ADAM12: variants seen among roughly 807,000 people sequenced by gnomAD.
The protein encoded by ADAM12 is disintegrin and metalloproteinase domain-containing protein 12.
A neutral mutation model predicts 106.4 loss-of-function variants in ADAM12; 70 were observed. The ratio of observed to expected loss-of-function variants is 0.66; its 90% confidence interval spans 0.54 to 0.80. The LOEUF (loss-of-function observed/expected upper bound fraction) is 0.80, where lower values mean the gene tolerates loss of function less well. Ranked by LOEUF, ADAM12 falls within the 30% of genes least tolerant of loss-of-function variation. The probability of loss-of-function intolerance (pLI) is 0.00; values close to 1 mark genes in which losing one functional copy is unlikely to be tolerated. For synonymous variants in ADAM12, 420 were observed against 433.5 expected (o/e 0.97, Z 0.39); for missense variants, 1,010 against 1,171.9 (o/e 0.86, Z 2.02).
Position 126,235,781 on chromosome 10 carries a change from C to T in ADAM12, c.260+43134G>A, listed in dbSNP as rs144326525. Among the ~76,000 whole-genome samples, 22 of 152,280 alleles carry T rather than the reference C, an allele frequency of 1.4e-4. No individual in the cohort carries two copies. In the East Asian group the frequency reaches 3.5e-3, roughly 24 times the overall value. On this transcript the variant is annotated intron_variant, in intron 3 of 22. Coordinates refer to ENST00000448723, the MANE Select transcript of ADAM12 (RefSeq NM_001288973.2). ...ATTGGTTTCCAAGAAAAATAATGGT[C>T]GTGTTCGAGGAGAGTGGCAGTGTTA...
intron 9 of ADAM12, among the ~76,000 whole-genome samples, chr10:126,099,984 T>G (rs1955630169): frequency 6.6e-6 from 1 of 152,238 alleles, no homozygotes; most frequent in African/African-American, 2.4e-5. Flanking sequence ...GTTCCTTTTT[T>G]TTTTAAGTAT....
chr10:126,362,927 G>A (rs1487927255), intron 1 of ADAM12, among the ~76,000 whole-genome samples: 3 of 152,116 alleles, frequency 2.0e-5, no homozygotes, highest in African/African-American at 7.2e-5. Context: ...ATTCTTGAAG[G>A]AAATAAACTG....
At chr10:126,333,898 A>G (rs1460354543) in intron 1 of ADAM12, among the ~76,000 whole-genome samples, 1 of 152,180 alleles carries the variant, frequency 6.6e-6, no homozygotes, top group Non-Finnish European at 1.5e-5. Flanking sequence ...AATGTGGTGC[A>G]ACCTTTTTGA....
At chr10:126,304,724 C>T (rs936951127) in intron 2 of ADAM12, among the ~76,000 whole-genome samples, 2 of 151,486 alleles carry the variant, frequency 1.3e-5, no homozygotes, top group African/African-American at 4.9e-5. Flanking sequence ...GACTTGTATC[C>T]AGAATATATA....
Position 126,231,907 on chromosome 10 carries a change from A to G in ADAM12, c.260+47008T>C, listed in dbSNP as rs1590654892. On this transcript the variant is annotated intron_variant, in intron 3 of 22. Transcript: ENST00000448723. ...TCTAGCCTCAGTGTAGATTCTTTTG[A>G]TCCCCAACTGTTCTTTCTCAGCCTG... is the stretch of plus-strand genomic sequence containing the variant. 2.7e-5 allele frequency among the ~76,000 whole-genome samples: 4 copies of G among 149,746 alleles called. 1 individual carries two copies.
intron 3 of ADAM12, among the ~76,000 whole-genome samples, chr10:126,277,689 T>C (rs1257183378): frequency 2.6e-5 from 4 of 152,174 alleles, no homozygotes; most frequent in African/African-American, 9.7e-5. Flanking sequence ...TGTGTCTGAA[T>C]CTCTATTTTA....
chr10:126,067,367 A>G (rs1287623352), intron 12 of ADAM12, among the ~76,000 whole-genome samples: 1 of 152,232 alleles, frequency 6.6e-6, no homozygotes, highest in Non-Finnish European at 1.5e-5. Context: ...TGACAATTCC[A>G]TCACTCGGAA....
chr10:126,237,477 T>C (rs1025144170), intron 3 of ADAM12, among the ~76,000 whole-genome samples: 1 of 152,224 alleles, frequency 6.6e-6, no homozygotes. Flanking sequence ...CACTGAATTA[T>C]TTTGAAGCAA....
At chr10:126,220,833 C>T (rs1271588715) in intron 3 of ADAM12, among the ~76,000 whole-genome samples, 2 of 152,198 alleles carry the variant, frequency 1.3e-5, no homozygotes, top group Non-Finnish European at 2.9e-5. Flanking sequence ...CATCTGTGTC[C>T]CTCTTAGCAA....
chr10:126,343,788 A>G (rs919165953), intron 1 of ADAM12, among the ~76,000 whole-genome samples: 2 of 152,198 alleles, frequency 1.3e-5, no homozygotes, highest in African/African-American at 4.8e-5. Context: ...AGTGATGAGG[A>G]GCATTTTTTC....
At chr10:126,356,908 A>T (rs1287936377) in intron 1 of ADAM12, among the ~76,000 whole-genome samples, 3 of 152,232 alleles carry the variant, frequency 2.0e-5, no homozygotes, top group Non-Finnish European at 4.4e-5. Flanking sequence ...CAGATAATTT[A>T]AAATTATCCA....
chr10:126,298,110 A>G (rs1960461780), intron 2 of ADAM12, among the ~76,000 whole-genome samples: 1 of 152,170 alleles, frequency 6.6e-6, no homozygotes, highest in Non-Finnish European at 1.5e-5. Context: ...CCAACCAACC[A>G]TATGACATCA....
chr10:126,261,379 G>GA (rs566444940), intron 3 of ADAM12, among the ~76,000 whole-genome samples: 87 of 152,238 alleles, frequency 5.7e-4, no homozygotes, highest in African/African-American at 2.1e-3. Flanking sequence ...ACTATACTTA[G>GA]AAAAAAGCAA....
intron 3 of ADAM12, among the ~76,000 whole-genome samples, chr10:126,215,864 T>C (rs1051085240): frequency 6.6e-6 from 1 of 152,216 alleles, no homozygotes; most frequent in African/African-American, 2.4e-5. Context: ...GTTCATGGTA[T>C]TCGCAAATGG....
Position 126,199,306 on chromosome 10 carries a change from C to T in ADAM12, c.261-44001G>A, listed in dbSNP as rs369500827. Among the ~76,000 whole-genome samples, 13 of 152,292 alleles carry T rather than the reference C, an allele frequency of 8.5e-5. 1 individual carries two copies. Among genetic ancestry groups the T allele is most frequent in the African/African-American group, 1.9e-4 (8 of 41,564 alleles). On this transcript the variant is annotated intron_variant, in intron 3 of 22. Transcript: ENST00000448723. ...GAAAACTTATCCACCTAATCACCAT[C>T]GAGATCAGCGGGCCTGACCATCCCG...
In ADAM12 at chr10:126,327,915, G is replaced by A. The variant is rs184577667; in HGVS notation, c.186+2497C>T. ...GGAAATCTTGGCCCCTGTTGCTCCCGCATCACTCCAAGTCTGTCTTATTTT... is the reference window on the plus strand; with the variant it reads ...GGAAATCTTGGCCCCTGTTGCTCCCACATCACTCCAAGTCTGTCTTATTTT... On this transcript the variant is annotated intron_variant, in intron 2 of 22. Coordinates refer to ENST00000448723, the MANE Select transcript of ADAM12 (RefSeq NM_001288973.2). Among the ~76,000 whole-genome samples the A allele has an allele frequency of 3.4e-3, 513 of 152,162 alleles. 8 individuals carry two copies. Among genetic ancestry groups the A allele is most frequent in the African/African-American group, 0.012 (490 of 41,514 alleles).
At position 126,218,514 on chromosome 10, in the gene ADAM12, T is replaced by C. The variant is rs114115048; in HGVS notation, c.260+60401A>G. On this transcript the variant is annotated intron_variant, in intron 3 of 22. Coordinates refer to ENST00000448723, the MANE Select transcript of ADAM12 (RefSeq NM_001288973.2). ...GACATACTGAGGGCATCTTGGTACT[T>C]CCTCCCTGCAGGTGCTTGGGTCTGT... Among the ~76,000 whole-genome samples, 1,052 of 152,204 alleles carry C rather than the reference T, an allele frequency of 6.9e-3. 11 individuals are homozygous for C. Among genetic ancestry groups the C allele is most frequent in the African/African-American group, 0.024 (1,002 of 41,534 alleles).
chr10:126,168,361 T>C (rs1029526141), intron 3 of ADAM12, among the ~76,000 whole-genome samples: 1 of 152,208 alleles, frequency 6.6e-6, no homozygotes, highest in African/African-American at 2.4e-5. Context: ...TTTATGACTT[T>C]GAATATGAAA....
intron 16 of ADAM12, among the ~76,000 whole-genome samples, chr10:126,046,985 C>T (rs966781496): frequency 6.6e-6 from 1 of 151,972 alleles, no homozygotes. Flanking sequence ...TCATCAATGA[C>T]ATAAACCATC....
Sources: gnomAD v4.1 joint callset for allele counts (sites outside exome capture counted in the v4.1 genomes callset) on GRCh38, gnomAD v4.1.1 for gene constraint, MANE v1.5 for transcripts, NCBI Gene and HGNC (gene_info 2026-07-23, HGNC 2026-07-21) for gene names.